Variants in NKD1 observed in about 807,000 individuals in gnomAD.
NKD1 encodes NKD inhibitor of Wnt signaling pathway 1, also known as protein naked cuticle homolog 1.
NKD1 carries 21 observed loss-of-function variants against 56.0 expected under a neutral mutation model. That is an observed-to-expected ratio of 0.38 (90% CI 0.27 to 0.54). The LOEUF is 0.54. Among genes scored for constraint, NKD1 ranks in the 20% least tolerant of loss-of-function variants. NKD1 has a pLI of 0.82. For synonymous variants in NKD1, 263 were observed against 265.7 expected (o/e 0.99, Z 0.10); for missense variants, 578 against 642.7 (o/e 0.90, Z 1.09).
intron 3 of NKD1, among the ~76,000 whole-genome samples, chr16:50,599,919 C>A (rs1053623326): frequency 2.6e-5 from 4 of 151,952 alleles, no homozygotes; most frequent in African/African-American, 2.4e-5. Context: ...TTTTTTTCCC[C>A]CATTAGTCAT....
At chr16:50,624,886 G>T (rs997094719) in intron 5 of NKD1, among the ~76,000 whole-genome samples, 1 of 152,218 alleles carries the variant, frequency 6.6e-6, no homozygotes, top group Non-Finnish European at 1.5e-5. Context: ...CACCACAGCT[G>T]CAGGGAAACA....
rs1962604002 is a variant in NKD1, at chr16:50,642,825, TA to T, written c.*9045del. The T allele has an allele frequency of 2.0e-5, 3 of 152,392 alleles. No individual in the cohort carries two copies. In the South Asian group the frequency reaches 6.2e-4, roughly 32 times the overall value. The allele number at this position is 152,392 out of a possible 1,614,324, so 9.4% of individuals were successfully genotyped here. ...AGCTGCTGTGGCATGCTGCCTCTGC[TA>T]CACACTCAAAAAACACTTGAGGACA... On this transcript the variant is annotated 3_prime_UTR_variant, in exon 10 of 10. Coordinates refer to ENST00000268459, the MANE Select transcript of NKD1 (RefSeq NM_033119.5).
rs370042052 is a variant in NKD1, at chr16:50,643,900, A to C, written c.*10119A>C. The C allele has an allele frequency of 4.6e-5, 7 of 152,396 alleles. No homozygotes were observed. In the East Asian group the frequency reaches 1.3e-3, roughly 29 times the overall value. The allele number at this position is 152,396 out of a possible 1,614,324, so 9.4% of individuals were successfully genotyped here. On this transcript the variant is annotated 3_prime_UTR_variant, in exon 10 of 10. Transcript: ENST00000268459. The stretch of plus-strand genomic sequence containing the variant: ...CATATCAGAGCCTTCTGTGCTTAAG[A>C]GCACAAGATGGCACTTCAGCGTCAT...
intron 3 of NKD1, among the ~76,000 whole-genome samples, chr16:50,575,996 A>G (rs1172628261): frequency 6.6e-6 from 1 of 152,186 alleles, no homozygotes; most frequent in Non-Finnish European, 1.5e-5. Flanking sequence ...CCCAAATGTA[A>G]ACAGTGCCAA....
At chr16:50,590,340 G>A (rs1057161926) in intron 3 of NKD1, among the ~76,000 whole-genome samples, 14 of 152,136 alleles carry the variant, frequency 9.2e-5, no homozygotes, top group Non-Finnish European at 1.5e-4. Context: ...CCTGATGGAG[G>A]AAGAAAAAAA....
chr16:50,560,865 C>CTATCTAT (rs1960616549), intron 3 of NKD1, among the ~76,000 whole-genome samples: 1 of 21,328 alleles, frequency 4.7e-5, no homozygotes, highest in South Asian at 1.9e-3. Context: ...TATCTATCTA[C>CTATCTAT]AGCAGAGGCA....
chr16:50,633,113 CG>C lies in NKD1; in HGVS notation c.824-74del. ...AGCTCTGGTTTTGGAGAACTGGGGG[CG>C]GGGGTGATGTCTGGGGTATAGCGCA... On this transcript the variant is annotated intron_variant, in intron 9 of 9. Transcript: ENST00000268459. This position sits in a 1 kb window ranked among gnomAD's most constrained non-coding sequence, Gnocchi z 4.9. 7.6e-7 allele frequency: 1 copy of C among 1,312,194 alleles called. No homozygotes were observed. The highest frequency in any genetic ancestry group is 1.0e-6 in the Non-Finnish European group (1 of 973,728). 81.3% of individuals were successfully genotyped at this position (1,312,194 alleles called of 1,614,324 possible).
chr16:50,620,152 G>A (rs1037597646), intron 4 of NKD1, among the ~76,000 whole-genome samples: 1 of 152,264 alleles, frequency 6.6e-6, no homozygotes, highest in Non-Finnish European at 1.5e-5. Flanking sequence ...GTACAGTGGC[G>A]CCAAGGCGCA....
intron 6 of NKD1, among the ~76,000 whole-genome samples, chr16:50,625,843 G>C (rs911603383): frequency 3.2e-5 from 3 of 93,756 alleles, no homozygotes; most frequent in South Asian, 2.7e-4. Context: ...AAAGAAGTTG[G>C]GGGGGGCAGG....
At chr16:50,586,908 CCTT>C (rs1426119328) in intron 3 of NKD1, among the ~76,000 whole-genome samples, 13 of 152,316 alleles carry the variant, frequency 8.5e-5, no homozygotes, top group African/African-American at 2.4e-4. Context: ...GGAGAATTGT[CCTT>C]CTTCCTCTGG....
At position 50,572,579 on chromosome 16, in the gene NKD1, G is replaced by A. The variant is rs77702152; in HGVS notation, c.192+23024G>A. On this transcript the variant is annotated intron_variant, in intron 3 of 9. Coordinates refer to ENST00000268459, the MANE Select transcript of NKD1 (RefSeq NM_033119.5). The stretch of plus-strand genomic sequence containing the variant: ...GTAGTGGAGTTGTCTGCTCCGCCCT[G>A]TCTTTTGTGCTCTAACTCAGGGGAG... 4.0e-3 allele frequency among the ~76,000 whole-genome samples: 606 copies of A among 152,276 alleles called. 3 individuals are homozygous for A. The highest frequency in any genetic ancestry group is 0.014 in the African/African-American group (587 of 41,548).
At chr16:50,562,987 C>G (rs1397796068) in intron 3 of NKD1, among the ~76,000 whole-genome samples, 1 of 87,524 alleles carries the variant, frequency 1.1e-5, no homozygotes. Context: ...CCCACCACCA[C>G]CCCCCCCCCC....
In NKD1 at chr16:50,635,965, G is replaced by T. The variant is rs545802172; in HGVS notation, c.*2184G>T. 1 of 152,198 alleles carries T rather than the reference G, an allele frequency of 6.6e-6. No homozygotes were observed. Among genetic ancestry groups the T allele is most frequent in the Non-Finnish European group, 1.5e-5 (1 of 68,042 alleles). The allele number at this position is 152,198 out of a possible 1,614,324, so 9.4% of individuals were successfully genotyped here. A position where few individuals can be genotyped will look rare whatever the true frequency, so the allele number is the denominator to read the frequency against. ...TTCTTGTCCCTCCCTCTTGTCCCTCGGATTGATAACTTGTACTCAACTACA... is the reference window on the plus strand; with the variant it reads ...TTCTTGTCCCTCCCTCTTGTCCCTCTGATTGATAACTTGTACTCAACTACA... On this transcript the variant is annotated 3_prime_UTR_variant, in exon 10 of 10. Transcript: ENST00000268459. This position sits in a 1 kb window ranked among gnomAD's most constrained non-coding sequence, Gnocchi z 4.1.
intron 5 of NKD1, among the ~76,000 whole-genome samples, chr16:50,622,314 C>T (rs2151279020): frequency 6.6e-6 from 1 of 152,258 alleles, no homozygotes; most frequent in African/African-American, 2.4e-5. Flanking sequence ...AAAGAAGGGC[C>T]TTTGGGGTGA....
intron 6 of NKD1, among the ~76,000 whole-genome samples, chr16:50,628,615 C>T (rs1962274901): frequency 6.6e-6 from 1 of 152,170 alleles, no homozygotes. Context: ...GCCCTCCAGT[C>T]CCAATCAGAA....
intron 3 of NKD1, among the ~76,000 whole-genome samples, chr16:50,578,279 G>A (rs1961032272): frequency 1.3e-5 from 2 of 152,204 alleles, no homozygotes; most frequent in Admixed American, 1.3e-4. Flanking sequence ...CGATTAGTGA[G>A]AACTAATCAC....
intron 3 of NKD1, among the ~76,000 whole-genome samples, chr16:50,602,097 C>T (rs1458387376): frequency 6.6e-6 from 1 of 152,194 alleles, no homozygotes; most frequent in Non-Finnish European, 1.5e-5. Context: ...TTTCAGCCTG[C>T]CGAGCTTGTA....
intron 4 of NKD1, among the ~76,000 whole-genome samples, 198 bp from the exon 5 acceptor site, chr16:50,621,404 G>A (rs1962084725): frequency 6.6e-6 from 1 of 152,232 alleles, no homozygotes; most frequent in Admixed American, 6.5e-5. Flanking sequence ...GGTGCACCAT[G>A]TTGGGGGAAG....
At chr16:50,587,887 C>G (rs1961264820) in intron 3 of NKD1, among the ~76,000 whole-genome samples, 1 of 152,226 alleles carries the variant, frequency 6.6e-6, no homozygotes, top group Non-Finnish European at 1.5e-5. Flanking sequence ...AGGTTGTGTG[C>G]TCCTTATGGA....
Sources: gnomAD v4.1 joint callset for allele counts (sites outside exome capture counted in the v4.1 genomes callset) on GRCh38, gnomAD v4.1.1 for gene constraint, Gnocchi (gnomAD v3.1) non-coding constraint, MANE v1.5 for transcripts, NCBI Gene and HGNC (gene_info 2026-07-23, HGNC 2026-07-21) for gene names.